TTC21B: variants seen among roughly 807,000 people sequenced by gnomAD.
The protein encoded by TTC21B is tetratricopeptide repeat domain 21B, also known as tetratricopeptide repeat protein 21B.
Under a neutral mutation model 175.1 loss-of-function variants are expected in TTC21B, and 127 were observed. The observed-to-expected ratio is 0.73, with a 90% CI of 0.63 to 0.84. The LOEUF (loss-of-function observed/expected upper bound fraction) is 0.84. Among genes scored for constraint, TTC21B ranks in the 40% least tolerant of loss-of-function variants. The pLI is 0.00. For missense variants in TTC21B, 1,561 were observed against 1,558.3 expected, an observed-to-expected ratio of 1.00 and a Z score of -0.03; for synonymous variants, 524 against 524.5, an observed-to-expected ratio of 1.00 and a Z score of 0.01.
chr2:165,914,729 G>C (rs1477074783), intron 15 of TTC21B, among the ~76,000 whole-genome samples: 4 of 120,478 alleles, frequency 3.3e-5, no homozygotes, highest in African/African-American at 1.5e-4. Flanking sequence ...AAGGGCATCA[G>C]TGTGACATAC....
At chr2:165,927,357 T>A (rs530516749) in intron 11 of TTC21B, among the ~76,000 whole-genome samples, 1 of 92,446 alleles carries the variant, frequency 1.1e-5, no homozygotes, top group African/African-American at 3.6e-5. Flanking sequence ...ATAATATATT[T>A]TATATATATA....
In TTC21B at chr2:165,906,022, C is replaced by T. The variant is rs578219515; in HGVS notation, c.2568+1656G>A. On this transcript the variant is annotated intron_variant, in intron 19 of 28. Transcript: ENST00000243344. ...GCAGAAGTGTACTAGAAGTCAGTATCAAAAAGATAACAAGCAAATCAGAAC... is the reference window on the plus strand; with the variant it reads ...GCAGAAGTGTACTAGAAGTCAGTATTAAAAAGATAACAAGCAAATCAGAAC... Among the ~76,000 whole-genome samples, 28 of 151,964 alleles carry T rather than the reference C, an allele frequency of 1.8e-4. No homozygotes were observed. The South Asian group carries it at 5.4e-3, about 29-fold the overall frequency.
intron 22 of TTC21B, among the ~76,000 whole-genome samples, chr2:165,891,676 T>C (rs775013967): frequency 3.3e-5 from 5 of 152,238 alleles, no homozygotes; most frequent in Non-Finnish European, 7.4e-5. Flanking sequence ...TCCAATTCTA[T>C]CTAGTTCTCT....
At chr2:165,940,461 A>T (rs980581914) in intron 6 of TTC21B, among the ~76,000 whole-genome samples, 25 of 152,064 alleles carry the variant, frequency 1.6e-4, no homozygotes, top group African/African-American at 5.5e-4. Context: ...CAGACCTCAC[A>T]CCTTACTCAC....
chr2:165,875,037 G>A lies in TTC21B; in HGVS notation c.3874-205C>T, dbSNP rs148034638. 9.3e-3 allele frequency among the ~76,000 whole-genome samples: 1,413 copies of A among 152,002 alleles called. 27 individuals carry two copies. Among genetic ancestry groups the A allele is most frequent in the African/African-American group, 0.032 (1,332 of 41,446 alleles). Reference sequence around the variant, plus strand: ...GGTAGTTAGATGAGAACAATAGAATGTAAATATCAAATGCAGAAAATATAA... The same window carrying A: ...GGTAGTTAGATGAGAACAATAGAATATAAATATCAAATGCAGAAAATATAA... On this transcript the variant is annotated intron_variant, in intron 28 of 28. Coordinates refer to ENST00000243344, the MANE Select transcript of TTC21B (RefSeq NM_024753.5).
At chr2:165,880,371 T>C (rs1261994872) in intron 27 of TTC21B, among the ~76,000 whole-genome samples, 1 of 152,196 alleles carries the variant, frequency 6.6e-6, no homozygotes, top group Non-Finnish European at 1.5e-5. Context: ...TACTTGGCAA[T>C]GGAAACATCT....
Position 165,890,914 on chromosome 2 carries a change from A to G in TTC21B, c.3025T>C (p.Phe1009Leu). The stretch of plus-strand genomic sequence containing the variant: ...GAGTTACGTTTCTCAGCCATTGAGA[A>G]AAATCTTGGGACATCCTCGAGTTTT... ...CGKLEDVPRF[F>L]SMAEKRNSRA... is the part of the protein sequence containing the mutation. Residue 1009 changes from phenylalanine (F) to leucine (L), a missense_variant, in exon 23 of 29, where the codon TTC becomes CTC. By Grantham distance (22) the Phe-to-Leu change is conservative (BLOSUM62 0). Coordinates refer to ENST00000243344, the MANE Select transcript of TTC21B (RefSeq NM_024753.5). 6.2e-7 allele frequency: 1 copy of G among 1,613,492 alleles called. No individual in the cohort carries two copies. The highest frequency in any genetic ancestry group is 8.5e-7 in the Non-Finnish European group (1 of 1,179,592).
chr2:165,921,935 T>C (rs2105332724), intron 12 of TTC21B, among the ~76,000 whole-genome samples: 3 of 152,112 alleles, frequency 2.0e-5, no homozygotes, highest in Middle Eastern at 3.4e-3. Flanking sequence ...ACCCAAGCAC[T>C]GTACCCAATG....
chr2:165,928,708 C>CTTT, intron 11 of TTC21B: 1 of 160,952 alleles, frequency 6.2e-6, no homozygotes, highest in Non-Finnish European at 1.3e-5. Flanking sequence ...ATGGTCCTTT[C>CTTT]TTTTTTTTTT....
At chr2:165,920,793 G>GAAATATTTTAAATATTTAAAATATTTTA (rs1559060441) in intron 12 of TTC21B, among the ~76,000 whole-genome samples, 1 of 151,368 alleles carries the variant, frequency 6.6e-6, no homozygotes, top group East Asian at 1.9e-4. Flanking sequence ...AAAATATTTT[G>GAAATATTTTAAATATTTAAAATATTTTA]AAGGATACTA....
chr2:165,925,275 T>A (rs1040541801), intron 11 of TTC21B, among the ~76,000 whole-genome samples: 20 of 152,206 alleles, frequency 1.3e-4, no homozygotes, highest in Admixed American at 9.8e-4. Context: ...CAATTAATAA[T>A]GAGTATGATA....
chr2:165,934,412 G>A (rs1410109709), intron 6 of TTC21B, among the ~76,000 whole-genome samples: 4 of 144,014 alleles, frequency 2.8e-5, no homozygotes, highest in African/African-American at 7.8e-5. Context: ...TGAGGCATGA[G>A]AATCACTTGA....
rs561195896 is a variant in TTC21B, at chr2:165,938,244, C to T, written c.710+2783G>A. 1.1e-3 allele frequency among the ~76,000 whole-genome samples: 166 copies of T among 152,044 alleles called. 6 individuals carry two copies. The South Asian group carries it at 0.033, about 30-fold the overall frequency. ...CTGGAAATAACGGAAAAGACTTCAG[C>T]ATCTTATCCTACTTTTCTTATATGA... On this transcript the variant is annotated intron_variant, in intron 6 of 28. Transcript: ENST00000243344.
chr2:165,935,804 A>G (rs942764036), intron 6 of TTC21B, among the ~76,000 whole-genome samples: 1 of 152,198 alleles, frequency 6.6e-6, no homozygotes, highest in African/African-American at 2.4e-5. Flanking sequence ...AATTCTGACA[A>G]AAGAAATCAA....
At chr2:165,913,238 C>A (rs893152378) in intron 16 of TTC21B, among the ~76,000 whole-genome samples, 1 of 152,088 alleles carries the variant, frequency 6.6e-6, no homozygotes, top group Non-Finnish European at 1.5e-5. Flanking sequence ...GTTGGCCAGG[C>A]TGGTCTTGAA....
chr2:165,917,233 C>T (rs910479143), intron 14 of TTC21B, 24 bp downstream of exon 14: 2 of 1,593,292 alleles, frequency 1.3e-6, no homozygotes, highest in East Asian at 2.2e-5. Flanking sequence ...CACATCCGAG[C>T]CCTTAAATTA....
At chr2:165,929,414 T>G in intron 10 of TTC21B, 79 bp from the exon 11 acceptor site, 1 of 1,197,272 alleles carries the variant, frequency 8.4e-7, no homozygotes, top group South Asian at 1.3e-5. Context: ...CAAATGCATA[T>G]AATGTGCTAC....
chr2:165,888,459 C>T lies in TTC21B; in HGVS notation c.3279G>A (p.Lys1093=), dbSNP rs753595493. The T allele has an allele frequency of 3.4e-5, 55 of 1,613,168 alleles. No homozygotes were observed. Among genetic ancestry groups the T allele is most frequent in the Non-Finnish European group, 4.4e-5 (52 of 1,179,396 alleles). The change falls in exon 25 of 29, where the codon AAG becomes AAA. Residue 1093 remains lysine, a synonymous_variant. Transcript: ENST00000243344. The part of the protein sequence containing the change: ...LDGDLGNSTE[K]QESVQLAVRT... ...TTACTGCCAGTTGCACAGATTCTTG[C>T]TTCTCAGTTGAATTACTGTATATAA...
chr2:165,914,348 C>T (rs980257725), intron 15 of TTC21B, among the ~76,000 whole-genome samples: 1 of 152,088 alleles, frequency 6.6e-6, no homozygotes, highest in Non-Finnish European at 1.5e-5. Flanking sequence ...TAAATCAACC[C>T]TATTTTGAAT....
Sources: allele counts gnomAD v4.1 joint callset (sites outside exome capture counted in the v4.1 genomes callset), GRCh38; gene constraint gnomAD v4.1.1; transcripts MANE v1.5; gene names NCBI Gene and HGNC (gene_info 2026-07-23, HGNC 2026-07-21).